Variants in ACYP2 observed in about 807,000 individuals in gnomAD.
ACYP2 encodes acylphosphatase-2.
A neutral mutation model predicts 11.2 loss-of-function variants in ACYP2; 12 were observed. The ratio of observed to expected loss-of-function variants is 1.08; its 90% CI spans 0.69 to 1.74. The LOEUF (loss-of-function observed/expected upper bound fraction) is 1.74, where lower values mean the gene tolerates loss of function less well. ACYP2 is among the 40% of genes most tolerant of loss of function. The pLI, the probability that ACYP2 is intolerant of heterozygous loss-of-function variation, is 0.00. For missense variants in ACYP2, 134 were observed against 101.9 expected (o/e 1.31, Z -1.35); for synonymous variants, 43 against 32.2 (o/e 1.33, Z -1.13).
chr2:54,103,693 A>G (rs1364369532), intron 4 of ACYP2, among the ~76,000 whole-genome samples: 1 of 152,222 alleles, frequency 6.6e-6, no homozygotes, highest in Non-Finnish European at 1.5e-5. Flanking sequence ...GTTTATGACT[A>G]TGAAATATGA....
At chr2:54,153,466 T>G (rs1395176979) in intron 6 of ACYP2, among the ~76,000 whole-genome samples, 1 of 151,412 alleles carries the variant, frequency 6.6e-6, no homozygotes, top group East Asian at 1.9e-4. Context: ...TAGGGTTTTT[T>G]TTTTTTTTTC....
At chr2:53,982,970 T>C (rs1332556076) in intron 2 of ACYP2, among the ~76,000 whole-genome samples, 1 of 151,976 alleles carries the variant, frequency 6.6e-6, no homozygotes, top group African/African-American at 2.4e-5. Context: ...AAAGATCCAT[T>C]TCTGCATGGG....
rs2104538084 is a variant in ACYP2 at position 54,012,875 on chromosome 2, CAGTAGCCTACA to C, written c.63-38080_63-38070del. On this transcript the variant is annotated intron_variant, in intron 2 of 6. Transcript: ENST00000607452. ...CGTTCAGAGTGAAAGCTGGTGTTCA[CAGTAGCCTACA>C]AGGCCCTGAGTGCTCTGACCTGTCT... Among the ~76,000 whole-genome samples the C allele has an allele frequency of 2.6e-5, 4 of 152,218 alleles. 1 individual carries two copies. In the South Asian group the frequency reaches 8.3e-4, roughly 32 times the overall value.
intron 4 of ACYP2, among the ~76,000 whole-genome samples, chr2:54,075,195 G>A (rs1677262949): frequency 6.6e-6 from 1 of 152,128 alleles, no homozygotes; most frequent in African/African-American, 2.4e-5. Context: ...AGTAATGGAG[G>A]TTATAAAAAT....
At chr2:54,268,233 T>G (rs1472547826) in intron 6 of ACYP2, among the ~76,000 whole-genome samples, 1 of 152,220 alleles carries the variant, frequency 6.6e-6, no homozygotes, top group Non-Finnish European at 1.5e-5. Context: ...TATATTTTGG[T>G]TTTGATCATT....
At chr2:53,988,849 G>A (rs1272835342) in intron 2 of ACYP2, among the ~76,000 whole-genome samples, 1 of 151,994 alleles carries the variant, frequency 6.6e-6, no homozygotes, top group African/African-American at 2.4e-5. Flanking sequence ...GGGTTCATGC[G>A]ATTTTCCCTG....
At chr2:54,141,569 G>A (rs6706363) in intron 6 of ACYP2, among the ~76,000 whole-genome samples, 69,735 of 151,922 alleles carry the variant, frequency 0.46, 16,062 homozygotes, top group South Asian at 0.5. Context: ...ATCTCATATA[G>A]ACTGGATTTT....
At chr2:54,051,151 A>G in intron 3 of ACYP2, 1 of 696,624 alleles carries the variant, frequency 1.4e-6, no homozygotes, top group Non-Finnish European at 2.6e-6. Flanking sequence ...AGCACTGGGC[A>G]AGTGAGAACC....
At position 54,133,393 on chromosome 2, in the gene ACYP2, G is replaced by C. The variant is rs563883990; in HGVS notation, c.278-2060G>C. 2.6e-5 allele frequency among the ~76,000 whole-genome samples: 4 copies of C among 152,136 alleles called. No individual in the cohort carries two copies. In the East Asian group the frequency reaches 7.7e-4, roughly 29 times the overall value. On this transcript the variant is annotated intron_variant, in intron 4 of 6. Coordinates refer to ENST00000607452, the MANE Select transcript of ACYP2 (RefSeq NM_001320586.2). ...TATCTATTCCCAATGTTTTTTAATT[G>C]CTATATCCTCTCCTCTAAATTTAAG...
chr2:54,169,215 T>C (rs1441043946), intron 6 of ACYP2, among the ~76,000 whole-genome samples: 1 of 152,178 alleles, frequency 6.6e-6, no homozygotes, highest in Admixed American at 6.5e-5. Flanking sequence ...CTAATTAGCA[T>C]GTGTGGTGCC....
At chr2:54,063,820 C>T (rs776684848) in intron 4 of ACYP2, among the ~76,000 whole-genome samples, 1 of 152,080 alleles carries the variant, frequency 6.6e-6, no homozygotes, top group African/African-American at 2.4e-5. Context: ...GACCCTGACA[C>T]GAGCCTGGAC....
chr2:54,134,998 C>T (rs1387037454), intron 4 of ACYP2, among the ~76,000 whole-genome samples: 1 of 152,182 alleles, frequency 6.6e-6, no homozygotes, highest in African/African-American at 2.4e-5. Flanking sequence ...CTTATCAAGT[C>T]GAGAACTTTC....
intron 6 of ACYP2, among the ~76,000 whole-genome samples, chr2:54,236,195 C>T (rs536121980): frequency 2.6e-4 from 39 of 152,098 alleles, no homozygotes; most frequent in Middle Eastern, 3.2e-3. Context: ...CTTGGCCTCC[C>T]AAAGTGCTGG....
At chr2:54,300,294 T>C (rs555856812) in intron 6 of ACYP2, among the ~76,000 whole-genome samples, 85 of 152,342 alleles carry the variant, frequency 5.6e-4, no homozygotes, top group African/African-American at 2.0e-3. Flanking sequence ...TGGACACTGA[T>C]CTACCACTCA....
intron 6 of ACYP2, among the ~76,000 whole-genome samples, chr2:54,240,318 A>G (rs1686678387): frequency 6.6e-6 from 1 of 152,224 alleles, no homozygotes; most frequent in Non-Finnish European, 1.5e-5. Flanking sequence ...TTATTACTTT[A>G]GAGTAGAAAA....
At chr2:54,244,467 G>T (rs1686865573) in intron 6 of ACYP2, among the ~76,000 whole-genome samples, 1 of 151,400 alleles carries the variant, frequency 6.6e-6, no homozygotes, top group Non-Finnish European at 1.5e-5. Context: ...CTCCCAAAGT[G>T]CTGGGATTAC....
intron 6 of ACYP2, among the ~76,000 whole-genome samples, chr2:54,154,218 T>C (rs779369565): frequency 6.6e-6 from 1 of 152,212 alleles, no homozygotes; most frequent in South Asian, 2.1e-4. Flanking sequence ...TTTATGGTTT[T>C]TGTCATCAGC....
intron 6 of ACYP2, among the ~76,000 whole-genome samples, chr2:54,188,475 T>C (rs189609334): frequency 7.0e-4 from 106 of 152,306 alleles, no homozygotes; most frequent in African/African-American, 2.1e-3. Context: ...AGATATAATA[T>C]TCGAACTTTC....
intron 4 of ACYP2, among the ~76,000 whole-genome samples, chr2:54,107,060 T>C (rs186834348): frequency 5.3e-5 from 8 of 152,246 alleles, no homozygotes; most frequent in African/African-American, 1.9e-4. Flanking sequence ...GAAAGACATT[T>C]AGGTGGCACT....
Sources: allele counts gnomAD v4.1 joint callset (sites outside exome capture counted in the v4.1 genomes callset), GRCh38; gene constraint gnomAD v4.1.1; transcripts MANE v1.5; gene names NCBI Gene and HGNC (gene_info 2026-07-23, HGNC 2026-07-21).